The following CNTN5 variants were observed in gnomAD, a reference collection of about 807,000 sequenced individuals.
CNTN5 encodes contactin 5, also known as contactin-5.
Under a neutral mutation model 129.1 loss-of-function variants are expected in CNTN5, and 77 were observed. The observed-to-expected ratio is 0.60, with a 90% CI of 0.50 to 0.72. CNTN5 has a LOEUF of 0.72. Among genes scored for constraint, CNTN5 ranks in the 30% least tolerant of loss-of-function variants. The pLI, the probability that CNTN5 is intolerant of heterozygous loss-of-function variation, is 0.00. For missense variants in CNTN5, 1,478 were observed against 1,328.8 expected, an observed-to-expected ratio of 1.11 and a Z score of -1.75; for synonymous variants, 509 against 465.6, an observed-to-expected ratio of 1.09 and a Z score of -1.20.
chr11:99,661,412 G>A (rs867288514), intron 3 of CNTN5, among the ~76,000 whole-genome samples: 17 of 152,230 alleles, frequency 1.1e-4, no homozygotes, highest in Admixed American at 2.0e-4. Flanking sequence ...TTAGTATAAA[G>A]TGCCTGTGTA....
chr11:99,288,813 A>T (rs1864049871), intron 1 of CNTN5, among the ~76,000 whole-genome samples: 1 of 151,880 alleles, frequency 6.6e-6, no homozygotes, highest in African/African-American at 2.4e-5. Flanking sequence ...CTTATAATAA[A>T]TATCCTTAAG....
intron 21 of CNTN5, among the ~76,000 whole-genome samples, chr11:100,338,898 C>T (rs556795915): frequency 6.6e-6 from 1 of 152,242 alleles, no homozygotes; most frequent in East Asian, 1.9e-4. Context: ...CAGAAGCAAG[C>T]TCTGTGTGGG....
chr11:99,757,282 C>A (rs1255260046), intron 3 of CNTN5, among the ~76,000 whole-genome samples: 1 of 151,924 alleles, frequency 6.6e-6, no homozygotes, highest in Non-Finnish European at 1.5e-5. Flanking sequence ...CTTATAAGGA[C>A]CTATACTATA....
chr11:99,366,956 C>T (rs1030007313), intron 2 of CNTN5, among the ~76,000 whole-genome samples: 5 of 151,966 alleles, frequency 3.3e-5, no homozygotes, highest in African/African-American at 7.3e-5. Context: ...ATTGTGATAT[C>T]GACAGATAGG....
chr11:100,248,955 G>C (rs1002520133), intron 16 of CNTN5, among the ~76,000 whole-genome samples: 1 of 152,130 alleles, frequency 6.6e-6, no homozygotes, highest in Non-Finnish European at 1.5e-5. Flanking sequence ...CAAGACTAAA[G>C]CCTGTTCTTG....
At chr11:99,793,505 G>T (rs187649651) in intron 3 of CNTN5, among the ~76,000 whole-genome samples, 1 of 152,038 alleles carries the variant, frequency 6.6e-6, no homozygotes, top group Non-Finnish European at 1.5e-5. Context: ...TGTACTTCTA[G>T]TTCCTCTAGT....
chr11:99,296,239 C>T (rs1864384952), intron 1 of CNTN5, among the ~76,000 whole-genome samples: 1 of 152,032 alleles, frequency 6.6e-6, no homozygotes, highest in South Asian at 2.1e-4. Flanking sequence ...CTTAAGGGTT[C>T]CGATGGGTGT....
rs563296758 is a variant in CNTN5, at chr11:100,037,452, G to C, written c.981-23760G>C. The stretch of plus-strand genomic sequence containing the variant: ...CTCTTTTTTGGTTGTGTCTCTGCCC[G>C]GGTTTGGTATCAGGATGATGCTGGC... On this transcript the variant is annotated intron_variant, in intron 9 of 24. Transcript: ENST00000524871. 2.6e-5 allele frequency among the ~76,000 whole-genome samples: 4 copies of C among 151,958 alleles called. No homozygotes were observed. The East Asian group carries it at 7.7e-4, about 29-fold the overall frequency.
In CNTN5 at chr11:99,556,210, T is replaced by C. The variant is rs372134165; in HGVS notation, c.-5T>C. Reference sequence around the variant, plus strand: ...TTGAGACACAGAAGATTCTAGTGACTGAGGATGGCTTCCTCTTGGAAACTA... The same window carrying C: ...TTGAGACACAGAAGATTCTAGTGACCGAGGATGGCTTCCTCTTGGAAACTA... On this transcript the variant is annotated 5_prime_UTR_variant, in exon 3 of 25. Coordinates refer to ENST00000524871, the MANE Select transcript of CNTN5 (RefSeq NM_014361.4). 2.0e-3 allele frequency: 3,000 copies of C among 1,509,870 alleles called. 9 individuals carry two copies. Among genetic ancestry groups the C allele is most frequent in the Non-Finnish European group, 2.4e-3 (2,695 of 1,119,228 alleles). The allele number at this position is 1,509,870 out of a possible 1,614,324, so 93.5% of individuals were successfully genotyped here.
intron 15 of CNTN5, among the ~76,000 whole-genome samples, chr11:100,198,511 AGTGAGTAG>A: frequency 1.3e-5 from 2 of 152,026 alleles, no homozygotes; most frequent in Non-Finnish European, 2.9e-5. Flanking sequence ...CCTAGACCTC[AGTGAGTAG>A]CATTAGAATA....
At chr11:99,222,612 T>A (rs1306540869) in intron 1 of CNTN5, among the ~76,000 whole-genome samples, 1 of 152,130 alleles carries the variant, frequency 6.6e-6, no homozygotes, top group African/African-American at 2.4e-5. Context: ...TTATAAACCA[T>A]TGCATTTTTC....
chr11:99,260,005 T>A (rs924367036), intron 1 of CNTN5, among the ~76,000 whole-genome samples: 1 of 151,742 alleles, frequency 6.6e-6, no homozygotes, highest in African/African-American at 2.4e-5. Context: ...CTGTATTATA[T>A]AAATATTAAT....
intron 16 of CNTN5, among the ~76,000 whole-genome samples, chr11:100,240,219 A>ACCCCCCACC (rs1468030423): frequency 6.7e-6 from 1 of 149,702 alleles, no homozygotes; most frequent in African/African-American, 2.5e-5. Context: ...AATTATCAAC[A>ACCCCCCACC]CCCCGCCCCA....
At chr11:99,188,975 C>A (rs1044161368) in intron 1 of CNTN5, among the ~76,000 whole-genome samples, 4 of 151,614 alleles carry the variant, frequency 2.6e-5, no homozygotes. Flanking sequence ...TTGAAACTTT[C>A]GAACTTTGAA....
chr11:99,072,260 T>G (rs1030807190), intron 1 of CNTN5, among the ~76,000 whole-genome samples: 2 of 151,996 alleles, frequency 1.3e-5, no homozygotes, highest in Non-Finnish European at 2.9e-5. Context: ...ATTTCCCAAC[T>G]GAATTTCCTT....
chr11:99,943,531 A>T (rs1374352729), intron 7 of CNTN5, among the ~76,000 whole-genome samples: 1 of 152,022 alleles, frequency 6.6e-6, no homozygotes, highest in Non-Finnish European at 1.5e-5. Flanking sequence ...GCAGCTCTTT[A>T]GTTTAATTAG....
intron 3 of CNTN5, among the ~76,000 whole-genome samples, chr11:99,771,762 C>T (rs1480292260): frequency 1.3e-5 from 2 of 151,818 alleles, no homozygotes; most frequent in African/African-American, 4.8e-5. Flanking sequence ...GTATTGTAAA[C>T]TTGAAATTTG....
At position 99,341,335 on chromosome 11, in the gene CNTN5, C is replaced by T. The variant is rs1039250897; in HGVS notation, c.-71+15851C>T. Among the ~76,000 whole-genome samples the T allele has an allele frequency of 4.6e-5, 7 of 151,966 alleles. No individual in the cohort carries two copies. In the East Asian group the frequency reaches 1.3e-3, roughly 29 times the overall value. ...ATTTGGAATTTGTTTTCAGACTAAC[C>T]ACATGTGAATACAAATAGTTTACAT... On this transcript the variant is annotated intron_variant, in intron 2 of 24. Coordinates refer to ENST00000524871, the MANE Select transcript of CNTN5 (RefSeq NM_014361.4).
intron 15 of CNTN5, among the ~76,000 whole-genome samples, chr11:100,206,949 C>T (rs965670566): frequency 2.0e-5 from 3 of 151,706 alleles, no homozygotes; most frequent in Non-Finnish European, 4.4e-5. Context: ...TTTTTATATC[C>T]TTATTATCTG....
Sources: gnomAD v4.1 joint callset for allele counts (sites outside exome capture counted in the v4.1 genomes callset) on GRCh38, gnomAD v4.1.1 for gene constraint, MANE v1.5 for transcripts, NCBI Gene and HGNC (gene_info 2026-07-23, HGNC 2026-07-21) for gene names.